The following BLACAT1 variants were observed in gnomAD, a reference collection of about 807,000 sequenced individuals.
BLACAT1 encodes the protein bladder cancer associated transcript 1.
Position 205,448,504 on chromosome 1 carries a change from C to T in BLACAT1, c.-37+7413G>A. 2 of 447,456 alleles carry T rather than the reference C, an allele frequency of 4.5e-6. No individual in the cohort carries two copies. The allele number at this position is 447,456 out of a possible 1,614,324, so 27.7% of individuals were successfully genotyped here. A position where few individuals can be genotyped will look rare whatever the true frequency, so the allele number is the denominator to read the frequency against. ...CCCGACCCCAGACCCACCCACACTG[C>T]CTCCCTCCAGGACTGGGCCCCCCAG... On this transcript the variant is annotated intron_variant, in intron 1 of 1. Transcript: ENST00000629624. This position sits in a 1 kb window ranked among gnomAD's most constrained non-coding sequence, Gnocchi z 4.7.
chr1:205,442,372 A>G (rs1666309737), intron 1 of BLACAT1, among the ~76,000 whole-genome samples: 1 of 152,236 alleles, frequency 6.6e-6, no homozygotes. Context: ...CACATGTGCA[A>G]AGTGGTTTCA....
At chr1:205,442,164 G>C (rs896362732) in intron 1 of BLACAT1, among the ~76,000 whole-genome samples, 1 of 152,166 alleles carries the variant, frequency 6.6e-6, no homozygotes, top group African/African-American at 2.4e-5. Context: ...GGTCAGGCCG[G>C]GGCCTGGTCT....
chr1:205,450,938 A>G lies in BLACAT1; in HGVS notation c.-37+4979T>C, dbSNP rs796548960. ...CCGAGAACCTGGGCAGTGAAAGGCC[A>G]CTGCTGGGCGAGAACCTCGAGGACT... On this transcript the variant is annotated intron_variant, in intron 1 of 1. Coordinates refer to ENST00000629624, the Ensembl canonical transcript of BLACAT1. The surrounding 1 kb of genome is among the most constrained non-coding windows in gnomAD (Gnocchi z 4.4). 2.1e-4 allele frequency among the ~76,000 whole-genome samples: 32 copies of G among 152,224 alleles called. No individual in the cohort carries two copies. The highest frequency in any genetic ancestry group is 6.5e-4 in the African/African-American group (27 of 41,526).
chr1:205,451,098 G>A (rs143435939), intron 1 of BLACAT1, among the ~76,000 whole-genome samples: 130 of 152,258 alleles, frequency 8.5e-4, no homozygotes, highest in African/African-American at 3.0e-3. Flanking sequence ...CTGTGTATAA[G>A]GGCCACCTCA....
chr1:205,439,003 A>G (rs1666251994), downstream of BLACAT1, among the ~76,000 whole-genome samples: 1 of 152,120 alleles, frequency 6.6e-6, no homozygotes, highest in Non-Finnish European at 1.5e-5. Context: ...ATAACACCCA[A>G]TATCTCTGAG....
At chr1:205,437,974 T>C (rs1666235812), downstream of BLACAT1, 1 of 152,204 alleles carries the variant, frequency 6.6e-6, no homozygotes, top group Admixed American at 6.5e-5. Flanking sequence ...TGAACCCATA[T>C]GCTACATGCA....
In BLACAT1 at chr1:205,444,894, C is replaced by A. The variant is rs1666356979; in HGVS notation, c.-36-3832G>T. ...CAACCCCCACCTTAACTCCCCGCCACCCCCCACCCCAGGTAAAGGGCAAAA... is the reference window on the plus strand; with the variant it reads ...CAACCCCCACCTTAACTCCCCGCCAACCCCCACCCCAGGTAAAGGGCAAAA... On this transcript the variant is annotated intron_variant, in intron 1 of 1. Transcript: ENST00000629624. Among the ~76,000 whole-genome samples, 3 of 150,806 alleles carry A rather than the reference C, an allele frequency of 2.0e-5. No homozygotes were observed. The South Asian group carries it at 6.3e-4, about 32-fold the overall frequency.
chr1:205,442,262 T>C (rs1007085568), intron 1 of BLACAT1, among the ~76,000 whole-genome samples: 2 of 152,118 alleles, frequency 1.3e-5, no homozygotes, highest in African/African-American at 4.8e-5. Flanking sequence ...CACAGGGCTA[T>C]GCGGAAGGGG....
chr1:205,451,049 AC>A (rs1223543462), intron 1 of BLACAT1, among the ~76,000 whole-genome samples: 1 of 152,142 alleles, frequency 6.6e-6, no homozygotes, highest in East Asian at 1.9e-4. Flanking sequence ...GGTGGTGAGA[AC>A]TGGGGCCCAG....
At chr1:205,443,909 G>A (rs1666339004) in intron 1 of BLACAT1, among the ~76,000 whole-genome samples, 1 of 152,158 alleles carries the variant, frequency 6.6e-6, no homozygotes, top group Non-Finnish European at 1.5e-5. Context: ...CCCTCTGCCA[G>A]GCTGTGGTCT....
intron 1 of BLACAT1, among the ~76,000 whole-genome samples, chr1:205,453,111 G>A (rs1357148927): frequency 6.6e-6 from 1 of 152,140 alleles, no homozygotes; most frequent in East Asian, 1.9e-4. Flanking sequence ...TGAAACTTCA[G>A]AGAGCCTCAG....
intron 1 of BLACAT1, among the ~76,000 whole-genome samples, chr1:205,447,264 C>T (rs1666408084): frequency 6.6e-6 from 1 of 152,194 alleles, no homozygotes; most frequent in Admixed American, 6.5e-5. Flanking sequence ...AATAGGCTAA[C>T]AGTAGACAGG....
intron 1 of BLACAT1, among the ~76,000 whole-genome samples, chr1:205,455,672 T>C (rs1666553983): frequency 1.3e-5 from 2 of 151,906 alleles, no homozygotes. Context: ...ACAAAGGCAA[T>C]GGGGGCGGGG....
At chr1:205,449,176 T>A (rs996078181) in intron 1 of BLACAT1, among the ~76,000 whole-genome samples, 1 of 152,160 alleles carries the variant, frequency 6.6e-6, no homozygotes, top group African/African-American at 2.4e-5. Flanking sequence ...ACATGGGGGT[T>A]AGCACAGACA....
At chr1:205,455,293 G>T (rs139088141) in intron 1 of BLACAT1, among the ~76,000 whole-genome samples, 2,571 of 152,262 alleles carry the variant, frequency 0.017, 60 homozygotes, top group African/African-American at 0.057. Flanking sequence ...GGCTAGGAAG[G>T]ACTCTGATGT....
In BLACAT1 at chr1:205,455,094, C is replaced by T. The variant is rs530548283; in HGVS notation, c.-37+823G>A. Among the ~76,000 whole-genome samples the T allele has an allele frequency of 3.3e-5, 5 of 152,246 alleles. No individual in the cohort carries two copies. The South Asian group carries it at 1.0e-3, about 32-fold the overall frequency. ...GGGGGCACCCTGTTATGGACCCTTT[C>T]TCAGGAAAGGGAGCACCTATCCTTG... On this transcript the variant is annotated intron_variant, in intron 1 of 1. Transcript: ENST00000629624.
rs906499670 is a variant in BLACAT1 at position 205,450,437 on chromosome 1, C to G, written c.-37+5480G>C. Among the ~76,000 whole-genome samples the G allele has an allele frequency of 2.0e-5, 3 of 151,416 alleles. No homozygotes were observed. Among genetic ancestry groups the G allele is most frequent in the Admixed American group, 6.6e-5 (1 of 15,228 alleles). ...CTGAGACGGCTCCCTGCAGGCCCCCCTCTCCTGCCTGGCCCCCCTCCCCTT... is the reference window on the plus strand; with the variant it reads ...CTGAGACGGCTCCCTGCAGGCCCCCGTCTCCTGCCTGGCCCCCCTCCCCTT... On this transcript the variant is annotated intron_variant, in intron 1 of 1. Transcript: ENST00000629624. The surrounding 1 kb of genome is among the most constrained non-coding windows in gnomAD (Gnocchi z 4.4).
At chr1:205,451,497 T>C (rs1666497158) in intron 1 of BLACAT1, among the ~76,000 whole-genome samples, 1 of 152,124 alleles carries the variant, frequency 6.6e-6, no homozygotes, top group Admixed American at 6.5e-5. Context: ...CCCGCCCTGC[T>C]TGCCTGCCCT....
At chr1:205,438,636 C>G (rs1220441245), downstream of BLACAT1, among the ~76,000 whole-genome samples, 1 of 152,236 alleles carries the variant, frequency 6.6e-6, no homozygotes, top group African/African-American at 2.4e-5. Flanking sequence ...CTGCTACCTC[C>G]TGCTCAGACA....
Sources: gnomAD v4.1 joint callset for allele counts (sites outside exome capture counted in the v4.1 genomes callset) on GRCh38, gnomAD v4.1.1 for gene constraint, Gnocchi (gnomAD v3.1) non-coding constraint, MANE v1.5 for transcripts, NCBI Gene and HGNC (gene_info 2026-07-23, HGNC 2026-07-21) for gene names.